The following TMBIM6 variants were observed in gnomAD, a reference collection of about 807,000 sequenced individuals.
TMBIM6 encodes the protein bax inhibitor 1.
TMBIM6 carries 13 observed loss-of-function variants against 31.4 expected under a neutral mutation model. The ratio of observed to expected loss-of-function variants is 0.41; its 90% confidence interval spans 0.27 to 0.66. The LOEUF is 0.66. TMBIM6 is among the 30% of genes least tolerant of loss of function. The pLI is 0.28. For synonymous variants in TMBIM6, 85 were observed against 101.7 expected (o/e 0.84, Z 0.99); for missense variants, 275 against 289.5 (o/e 0.95, Z 0.36).
intron 1 of TMBIM6, among the ~76,000 whole-genome samples, chr12:49,745,277 G>A (rs12307828): frequency 0.12 from 18,040 of 152,140 alleles, 1,640 homozygotes; most frequent in African/African-American, 0.26. Context: ...GTCTCAAAAT[G>A]TCCATGGCCC....
intron 1 of TMBIM6, among the ~76,000 whole-genome samples, chr12:49,751,148 G>C (rs1945486362): frequency 6.6e-6 from 1 of 152,166 alleles, no homozygotes; most frequent in Non-Finnish European, 1.5e-5. Flanking sequence ...CAAAACTTAA[G>C]AACTTGACTT....
intron 9 of TMBIM6, 89 bp downstream of exon 9, chr12:49,761,868 C>A: frequency 7.7e-7 from 1 of 1,298,610 alleles, no homozygotes; most frequent in Non-Finnish European, 1.1e-6. Flanking sequence ...CTTGCTCACA[C>A]ACTGTGTTAG....
At chr12:49,744,213 G>C (rs753665422) in intron 1 of TMBIM6, among the ~76,000 whole-genome samples, 1 of 152,142 alleles carries the variant, frequency 6.6e-6, no homozygotes, top group Non-Finnish European at 1.5e-5. Context: ...AATATAGTCA[G>C]GAGTATTAGT....
chr12:49,742,539 A>T (rs1945316563), intron 1 of TMBIM6: 1 of 361,062 alleles, frequency 2.8e-6, no homozygotes, highest in Non-Finnish European at 5.0e-6. Flanking sequence ...TGTTCTAGCA[A>T]CTTGTGAATG....
At chr12:49,759,918 C>G (rs916425629) in intron 8 of TMBIM6, among the ~76,000 whole-genome samples, 1 of 151,512 alleles carries the variant, frequency 6.6e-6, no homozygotes, top group Non-Finnish European at 1.5e-5. Context: ...CGAAACCATC[C>G]TGGCTAACAC....
At chr12:49,752,923 A>G (rs1162368619) in intron 2 of TMBIM6, 50 bp from the exon 3 acceptor site, 2 of 1,514,368 alleles carry the variant, frequency 1.3e-6, no homozygotes, top group Non-Finnish European at 1.8e-6. Context: ...CTTAGCTTAA[A>G]TATGAGATTG....
intron 9 of TMBIM6, 87 bp downstream of exon 9, chr12:49,761,866 C>T (rs1285756709): frequency 1.1e-5 from 15 of 1,326,550 alleles, no homozygotes; most frequent in Admixed American, 1.8e-5. Flanking sequence ...AACTTGCTCA[C>T]ACACTGTGTT....
At chr12:49,749,483 A>G (rs2094634283) in intron 1 of TMBIM6, 1 of 143,634 alleles carries the variant, frequency 7.0e-6, no homozygotes, top group African/African-American at 2.8e-5. Context: ...CCCAAGCTGG[A>G]GTACAGTGGT....
At chr12:49,745,018 T>A (rs1945363957) in intron 1 of TMBIM6, among the ~76,000 whole-genome samples, 1 of 147,948 alleles carries the variant, frequency 6.8e-6, no homozygotes, top group Admixed American at 6.6e-5. Flanking sequence ...GGCAGCCCCC[T>A]GGAGGAGATG....
intron 3 of TMBIM6, among the ~76,000 whole-genome samples, chr12:49,753,543 T>C (rs1166085136): frequency 7.9e-5 from 12 of 152,254 alleles, no homozygotes; most frequent in Admixed American, 7.8e-4. Flanking sequence ...CAATTTGTTT[T>C]CCTGTATTGA....
chr12:49,752,572 G>A, intron 2 of TMBIM6, 23 bp downstream of exon 2: 1 of 1,550,628 alleles, frequency 6.4e-7, no homozygotes, highest in Non-Finnish European at 8.9e-7. Flanking sequence ...ACCTTGACTG[G>A]TTTTGTACTG....
At position 49,762,911 on chromosome 12, in the gene TMBIM6, C is replaced by G; in HGVS notation, c.*15C>G. 1.2e-6 allele frequency: 2 copies of G among 1,611,488 alleles called. No homozygotes were observed. Among genetic ancestry groups the G allele is most frequent in the Non-Finnish European group, 1.7e-6 (2 of 1,177,868 alleles). On this transcript the variant is annotated 3_prime_UTR_variant, in exon 10 of 10. Transcript: ENST00000267115. Reference sequence around the variant, plus strand: ...AGAAGAAATGAAGTGACCATCCAGCCTTTCCCAATTAGACTTCCTCTCCTT... The same window carrying G: ...AGAAGAAATGAAGTGACCATCCAGCGTTTCCCAATTAGACTTCCTCTCCTT...
At chr12:49,748,637 T>C (rs1262045003) in intron 1 of TMBIM6, among the ~76,000 whole-genome samples, 1 of 152,210 alleles carries the variant, frequency 6.6e-6, no homozygotes, top group African/African-American at 2.4e-5. Flanking sequence ...TGAATGAAAT[T>C]AGAGGAATTT....
chr12:49,748,895 T>A (rs1281951603), intron 1 of TMBIM6, among the ~76,000 whole-genome samples: 2 of 152,242 alleles, frequency 1.3e-5, no homozygotes, highest in African/African-American at 4.8e-5. Context: ...TGTGTTTTTT[T>A]AAAACAAAGA....
In TMBIM6 at chr12:49,763,007, C is replaced by T. The variant is rs1368455801; in HGVS notation, c.*111C>T. On this transcript the variant is annotated 3_prime_UTR_variant, in exon 10 of 10. Transcript: ENST00000267115. The stretch of plus-strand genomic sequence containing the variant: ...GTGATAATGAAAAGCATCAGAAAAG[C>T]TTTTGTACTTTGTGGTTTCCTCTAT... The T allele has an allele frequency of 8.1e-7, 1 of 1,234,086 alleles. No individual in the cohort carries two copies. The highest frequency in any genetic ancestry group is 1.5e-5 in the African/African-American group (1 of 66,332). The allele number at this position is 1,234,086 out of a possible 1,614,324, so 76.4% of individuals were successfully genotyped here.
intron 3 of TMBIM6, among the ~76,000 whole-genome samples, chr12:49,753,467 T>C (rs1945533831): frequency 6.6e-6 from 1 of 152,230 alleles, no homozygotes; most frequent in Non-Finnish European, 1.5e-5. Context: ...TTGAGATCTT[T>C]TTAAGGAATT....
chr12:49,757,783 C>T (rs1035935738), intron 4 of TMBIM6, among the ~76,000 whole-genome samples: 9 of 152,352 alleles, frequency 5.9e-5, no homozygotes, highest in Non-Finnish European at 1.3e-4. Context: ...TGTCCACCTG[C>T]AGAACCAGTC....
intron 1 of TMBIM6, among the ~76,000 whole-genome samples, chr12:49,747,996 C>A (rs1221391751): frequency 2.0e-5 from 3 of 152,102 alleles, no homozygotes; most frequent in African/African-American, 7.2e-5. Flanking sequence ...CTCCGCTTCC[C>A]TGGCTCAAGC....
intron 1 of TMBIM6, among the ~76,000 whole-genome samples, chr12:49,751,479 C>T (rs565787109): frequency 1.3e-5 from 2 of 152,202 alleles, no homozygotes; most frequent in East Asian, 3.9e-4. Context: ...ACTGTTCTAA[C>T]CTTTCTGTAG....
Sources: allele counts gnomAD v4.1 joint callset (sites outside exome capture counted in the v4.1 genomes callset), GRCh38; gene constraint gnomAD v4.1.1; transcripts MANE v1.5; gene names NCBI Gene and HGNC (gene_info 2026-07-23, HGNC 2026-07-21).